The following GRIP1 variants were observed in gnomAD, a reference collection of about 807,000 sequenced individuals.
The protein encoded by GRIP1 is glutamate receptor-interacting protein 1.
A neutral mutation model predicts 129.9 loss-of-function variants in GRIP1; 45 were observed. That is an observed-to-expected ratio of 0.35 (90% CI 0.27 to 0.44). GRIP1 has a LOEUF of 0.44. Among genes scored for constraint, GRIP1 ranks in the 20% least tolerant of loss-of-function variants. The pLI, the probability that GRIP1 is intolerant of heterozygous loss-of-function variation, is 1.00. For missense variants in GRIP1, 1,196 were observed against 1,396.8 expected (o/e 0.86, Z 2.29); for synonymous variants, 530 against 520.8 (o/e 1.02, Z -0.24).
intron 1 of GRIP1, among the ~76,000 whole-genome samples, chr12:66,670,994 T>C (rs1045479794): frequency 6.6e-6 from 1 of 152,152 alleles, no homozygotes; most frequent in Admixed American, 6.5e-5. Flanking sequence ...GTTAGGTCCA[T>C]GGCTCCCAAA....
chr12:66,471,192 C>T (rs1248434791), intron 7 of GRIP1, among the ~76,000 whole-genome samples: 1 of 152,128 alleles, frequency 6.6e-6, no homozygotes, highest in Non-Finnish European at 1.5e-5. Flanking sequence ...CTCATCTTTA[C>T]ACAAAAATCT....
intron 1 of GRIP1, among the ~76,000 whole-genome samples, chr12:66,900,676 A>C (rs920252554): frequency 1.3e-5 from 2 of 152,146 alleles, no homozygotes; most frequent in African/African-American, 4.8e-5. Context: ...AAAGAGGAGG[A>C]AGAAGGGAAG....
intron 1 of GRIP1, among the ~76,000 whole-genome samples, chr12:66,934,127 C>G (rs891218518): frequency 6.6e-6 from 1 of 152,160 alleles, no homozygotes; most frequent in Non-Finnish European, 1.5e-5. Flanking sequence ...TAACATGGCA[C>G]ATGATGTGAT....
chr12:66,920,525 G>A (rs1283125511), intron 1 of GRIP1, among the ~76,000 whole-genome samples: 1 of 152,196 alleles, frequency 6.6e-6, no homozygotes, highest in Non-Finnish European at 1.5e-5. Flanking sequence ...GCACTGTCCA[G>A]TGACTGGAGG....
intron 7 of GRIP1, among the ~76,000 whole-genome samples, chr12:66,492,055 A>G (rs921340148): frequency 2.6e-5 from 4 of 152,168 alleles, no homozygotes; most frequent in East Asian, 1.9e-4. Flanking sequence ...TACTACTCAT[A>G]TTCTTAACTT....
At chr12:66,655,176 C>A (rs2033067914) in intron 1 of GRIP1, among the ~76,000 whole-genome samples, 2 of 152,190 alleles carry the variant, frequency 1.3e-5, no homozygotes, top group Admixed American at 1.3e-4. Flanking sequence ...AAGAGGCAAC[C>A]ACTATCCCCA....
chr12:67,007,265 C>T (rs138198301), intron 1 of GRIP1, among the ~76,000 whole-genome samples: 209 of 152,160 alleles, frequency 1.4e-3, no homozygotes, highest in African/African-American at 4.4e-3. Context: ...AAGAACACTC[C>T]GTACCAGTGT....
intron 1 of GRIP1, among the ~76,000 whole-genome samples, chr12:66,891,715 A>G (rs1247004753): frequency 6.6e-6 from 1 of 152,148 alleles, no homozygotes; most frequent in Non-Finnish European, 1.5e-5. Flanking sequence ...TGACATGGAG[A>G]TTTCCTTCCT....
chr12:66,600,107 A>G (rs532944375), intron 1 of GRIP1, among the ~76,000 whole-genome samples: 7 of 152,292 alleles, frequency 4.6e-5, no homozygotes, highest in African/African-American at 1.2e-4. Flanking sequence ...TATAAATCCC[A>G]TTCTTCCCTC....
intron 1 of GRIP1, among the ~76,000 whole-genome samples, chr12:67,054,648 C>CA (rs1279626178): frequency 6.6e-6 from 1 of 151,692 alleles, no homozygotes; most frequent in Non-Finnish European, 1.5e-5. Flanking sequence ...CCTGTAATCC[C>CA]AGGTACTCAA....
At chr12:66,880,880 A>C (rs1592925561) in intron 1 of GRIP1, among the ~76,000 whole-genome samples, 1 of 152,148 alleles carries the variant, frequency 6.6e-6, no homozygotes. Context: ...GTTCCCTAGA[A>C]ACACAATTTC....
chr12:66,795,428 C>G (rs1032422553), intron 1 of GRIP1, among the ~76,000 whole-genome samples: 1 of 152,146 alleles, frequency 6.6e-6, no homozygotes, highest in Non-Finnish European at 1.5e-5. Context: ...ATCAAAAGCA[C>G]CTGTTTTCAC....
At chr12:66,759,471 T>A (rs982073243) in intron 1 of GRIP1, among the ~76,000 whole-genome samples, 6 of 152,234 alleles carry the variant, frequency 3.9e-5, no homozygotes, top group Admixed American at 6.5e-5. Context: ...TCTTGGGGAT[T>A]AACATTAGGC....
At chr12:67,068,673 C>A (rs2043674328) in intron 1 of GRIP1, among the ~76,000 whole-genome samples, 1 of 151,644 alleles carries the variant, frequency 6.6e-6, no homozygotes, top group Non-Finnish European at 1.5e-5. Flanking sequence ...TGCAGGAACC[C>A]CCCTCCATGC....
At chr12:66,421,740 T>C (rs182502784) in intron 14 of GRIP1, among the ~76,000 whole-genome samples, 58 of 151,910 alleles carry the variant, frequency 3.8e-4, no homozygotes, top group African/African-American at 1.3e-3. Flanking sequence ...AACATGTACA[T>C]GTAATTTTAT....
rs529138574 is a variant in GRIP1 at position 66,578,489 on chromosome 12, G to A, written c.136+18358C>T. Among the ~76,000 whole-genome samples, 18 of 152,268 alleles carry A rather than the reference G, an allele frequency of 1.2e-4. No homozygotes were observed. In the South Asian group the frequency reaches 1.2e-3, roughly 11 times the overall value. ...CTCGGGAAGTGCAAGGGGTCAGGGA[G>A]TTCCCTTTCCTAGTCAAAGAAACGG... On this transcript the variant is annotated intron_variant, in intron 2 of 24. Transcript: ENST00000359742.
chr12:66,362,605 C>T (rs929320282), intron 23 of GRIP1, among the ~76,000 whole-genome samples: 1 of 151,812 alleles, frequency 6.6e-6, no homozygotes, highest in African/African-American at 2.4e-5. Flanking sequence ...GAACATTCTA[C>T]AGATAATACA....
intron 23 of GRIP1, among the ~76,000 whole-genome samples, chr12:66,370,614 C>A (rs969437620): frequency 2.0e-5 from 3 of 152,130 alleles, no homozygotes; most frequent in South Asian, 4.1e-4. Context: ...AGATTATTAA[C>A]CACAAAAAAT....
At chr12:66,663,622 G>A (rs2033635987) in intron 1 of GRIP1, among the ~76,000 whole-genome samples, 1 of 152,164 alleles carries the variant, frequency 6.6e-6, no homozygotes, top group South Asian at 2.1e-4. Context: ...AGACATGTCT[G>A]TAGTTTATTT....
Sources: gnomAD v4.1 joint callset for allele counts (sites outside exome capture counted in the v4.1 genomes callset) on GRCh38, gnomAD v4.1.1 for gene constraint, MANE v1.5 for transcripts, NCBI Gene and HGNC (gene_info 2026-07-23, HGNC 2026-07-21) for gene names.